Variants in CNTN4 observed in about 807,000 individuals in gnomAD.
The protein encoded by CNTN4 is contactin-4.
CNTN4 carries 77 observed loss-of-function variants against 122.5 expected under a neutral mutation model. The observed-to-expected ratio is 0.63, with a 90% CI of 0.52 to 0.76. CNTN4 has a LOEUF of 0.76. CNTN4 is among the 30% of genes least tolerant of loss of function. The probability of loss-of-function intolerance (pLI) is 0.00; values close to 1 mark genes in which losing one functional copy is unlikely to be tolerated. For synonymous variants in CNTN4, 512 were observed against 447.0 expected, an observed-to-expected ratio of 1.15 and a Z score of -1.83; for missense variants, 1,256 against 1,259.1, an observed-to-expected ratio of 1.00 and a Z score of 0.04.
chr3:2,275,524 A>G (rs1175945971), intron 2 of CNTN4, among the ~76,000 whole-genome samples: 1 of 152,180 alleles, frequency 6.6e-6, no homozygotes, highest in Non-Finnish European at 1.5e-5. Context: ...TCACAATTAT[A>G]TATTATTAAT....
chr3:2,839,126 C>T (rs2093295891), intron 7 of CNTN4, among the ~76,000 whole-genome samples: 1 of 152,006 alleles, frequency 6.6e-6, no homozygotes, highest in Admixed American at 6.5e-5. Context: ...AGATATAGTC[C>T]TAATTGTTAT....
intron 14 of CNTN4, among the ~76,000 whole-genome samples, chr3:3,017,236 GA>G (rs2125561242): frequency 6.6e-6 from 1 of 152,276 alleles, no homozygotes; most frequent in South Asian, 2.1e-4. Flanking sequence ...GGGTGCTATT[GA>G]GAGAACTAGC....
intron 2 of CNTN4, among the ~76,000 whole-genome samples, chr3:2,270,745 A>T (rs2041261249): frequency 8.1e-6 from 1 of 123,226 alleles, no homozygotes. Flanking sequence ...GCTCAGGAGG[A>T]CCCAGAATAA....
At chr3:2,406,277 A>C (rs1280339650) in intron 3 of CNTN4, among the ~76,000 whole-genome samples, 2 of 152,202 alleles carry the variant, frequency 1.3e-5, no homozygotes, top group African/African-American at 2.4e-5. Flanking sequence ...TTTTGACATC[A>C]TGTACCCCTG....
intron 3 of CNTN4, among the ~76,000 whole-genome samples, chr3:2,568,317 GAA>G (rs770465722): frequency 0.015 from 1,066 of 71,028 alleles, 3 homozygotes; most frequent in Middle Eastern, 0.083. Flanking sequence ...GCAAGAATGT[GAA>G]AAAAAAAAAA....
intron 12 of CNTN4, among the ~76,000 whole-genome samples, chr3:2,920,277 G>T (rs565132923): frequency 1.1e-5 from 1 of 92,758 alleles, no homozygotes; most frequent in African/African-American, 4.1e-5. Flanking sequence ...GAAGAGGTCA[G>T]TGGTTTCCAG....
chr3:2,819,555 T>C lies in CNTN4; in HGVS notation c.428T>C (p.Leu143Pro). ...SVRRGQGMVL[L>P]CGPPPHSGEL... ...CGTCGAGGTCAAGGAATGGTGCTAC[T>C]GTGTGGCCCGCCACCCCATTCTGGA... The change falls in exon 7 of 25, where the codon CTG becomes CCG. Residue 143 changes from leucine to proline, a missense_variant. Transcript: ENST00000418658. The C allele has an allele frequency of 1.9e-6, 3 of 1,613,960 alleles. No individual in the cohort carries two copies. Among genetic ancestry groups the C allele is most frequent in the Non-Finnish European group, 2.5e-6 (3 of 1,179,792 alleles).
At chr3:2,611,215 A>G (rs1346864193) in intron 4 of CNTN4, among the ~76,000 whole-genome samples, 1 of 149,306 alleles carries the variant, frequency 6.7e-6, no homozygotes, top group Non-Finnish European at 1.5e-5. Flanking sequence ...ATTAAATCAT[A>G]TAGCACCTGC....
At position 3,024,384 on chromosome 3, in the gene CNTN4, TAAA is replaced by T. The variant is rs55892513; in HGVS notation, c.1487-1696_1487-1694del. On this transcript the variant is annotated intron_variant, in intron 14 of 24. Coordinates refer to ENST00000418658, the MANE Select transcript of CNTN4 (RefSeq NM_175607.3). ...ATTTGTACTTACCTCTTTTCCTCAT[TAAA>T]AAAAAAAAAAAAAAAAAAAAACAAC... Among the ~76,000 whole-genome samples the T allele has an allele frequency of 1.1e-3, 97 of 90,246 alleles. 1 individual carries two copies. The highest frequency in any genetic ancestry group is 3.8e-3 in the African/African-American group (89 of 23,692). The allele number at this position is 90,246 out of a possible 152,430, so 59.2% of individuals were successfully genotyped here. A position where few individuals can be genotyped will look rare whatever the true frequency, so the allele number is the denominator to read the frequency against.
At chr3:2,136,552 CA>C (rs1293330772) in intron 2 of CNTN4, among the ~76,000 whole-genome samples, 2 of 152,102 alleles carry the variant, frequency 1.3e-5, no homozygotes, top group Non-Finnish European at 2.9e-5. Flanking sequence ...GACAAAAATG[CA>C]TAGGCTATCT....
intron 3 of CNTN4, among the ~76,000 whole-genome samples, chr3:2,467,467 G>C (rs1056131351): frequency 6.6e-6 from 1 of 152,154 alleles, no homozygotes; most frequent in Non-Finnish European, 1.5e-5. Context: ...AATAGCAAGA[G>C]AATGGTTTTC....
At chr3:2,131,644 C>G (rs946128836) in intron 2 of CNTN4, among the ~76,000 whole-genome samples, 94 of 152,284 alleles carry the variant, frequency 6.2e-4, no homozygotes, top group African/African-American at 2.1e-3. Flanking sequence ...ACAGCACACT[C>G]ATGTAAAATG....
intron 4 of CNTN4, among the ~76,000 whole-genome samples, chr3:2,733,727 G>C (rs2088874491): frequency 6.6e-6 from 1 of 151,380 alleles, no homozygotes; most frequent in South Asian, 2.1e-4. Flanking sequence ...GTAGTGATGG[G>C]GTTTCACTAT....
At chr3:2,954,051 C>T (rs344408) in intron 13 of CNTN4, among the ~76,000 whole-genome samples, 97,491 of 152,036 alleles carry the variant, frequency 0.64, 31,847 homozygotes, top group South Asian at 0.77. Context: ...ATTCCCAAAT[C>T]AACTTTTCTA....
chr3:2,132,069 G>T (rs536932059), intron 2 of CNTN4, among the ~76,000 whole-genome samples: 1 of 152,292 alleles, frequency 6.6e-6, no homozygotes, highest in East Asian at 1.9e-4. Context: ...AAGGAGCCTT[G>T]CAGTGTCCAC....
intron 2 of CNTN4, among the ~76,000 whole-genome samples, chr3:2,205,902 T>A (rs1490207027): frequency 6.6e-6 from 1 of 152,126 alleles, no homozygotes; most frequent in Non-Finnish European, 1.5e-5. Context: ...TCAGCAGTTC[T>A]GAAAGATAAA....
intron 2 of CNTN4, among the ~76,000 whole-genome samples, chr3:2,304,837 G>A (rs2042646060): frequency 6.6e-6 from 1 of 150,732 alleles, no homozygotes; most frequent in Non-Finnish European, 1.5e-5. Context: ...TGGGACCATT[G>A]TCTTTGTAAT....
chr3:2,420,581 A>G (rs2047578971), intron 3 of CNTN4, among the ~76,000 whole-genome samples: 1 of 152,056 alleles, frequency 6.6e-6, no homozygotes, highest in Non-Finnish European at 1.5e-5. Flanking sequence ...GACTACAGAC[A>G]TGCACTACCA....
At chr3:2,340,740 G>GAGAGAGAGAGAGAGAGAGAGAGAC (rs2044179887) in intron 3 of CNTN4, among the ~76,000 whole-genome samples, 1 of 136,114 alleles carries the variant, frequency 7.3e-6, no homozygotes, top group Non-Finnish European at 1.6e-5. Flanking sequence ...GAGAGAGAGA[G>GAGAGAGAGAGAGAGAGAGAGAGAC]TCAGAAATTT....
Sources: gnomAD v4.1 joint callset for allele counts (sites outside exome capture counted in the v4.1 genomes callset) on GRCh38, gnomAD v4.1.1 for gene constraint, MANE v1.5 for transcripts, NCBI Gene and HGNC (gene_info 2026-07-23, HGNC 2026-07-21) for gene names.